Variants in ACVR2A observed in about 807,000 individuals in gnomAD.
ACVR2A encodes the protein activin receptor type-2A.
ACVR2A carries 7 observed loss-of-function variants against 61.4 expected under a neutral mutation model. The observed-to-expected ratio is 0.11, with a 90% CI of 0.06 to 0.21. The LOEUF is 0.21. ACVR2A is among the 10% of genes least tolerant of loss of function. ACVR2A has a pLI of 1.00. For missense variants in ACVR2A, 322 were observed against 621.7 expected (o/e 0.52, Z 5.13); for synonymous variants, 193 against 208.3 (o/e 0.93, Z 0.63).
At chr2:147,845,348 G>GTCCC in intron 1 of ACVR2A, 141 bp downstream of exon 1, 3 of 271,696 alleles carry the variant, frequency 1.1e-5, no homozygotes, top group Non-Finnish European at 1.8e-5. Flanking sequence ...GGCTGCCACC[G>GTCCC]CCCCCCCCCC....
chr2:147,894,621 CTCA>C (rs1205920110), intron 1 of ACVR2A, among the ~76,000 whole-genome samples: 1 of 152,072 alleles, frequency 6.6e-6, no homozygotes, highest in African/African-American at 2.4e-5. Context: ...CACCACTGAT[CTCA>C]TCAGAAAATT....
At chr2:147,922,502 T>TC (rs1266370636) in intron 8 of ACVR2A, among the ~76,000 whole-genome samples, 1 of 152,112 alleles carries the variant, frequency 6.6e-6, no homozygotes, top group African/African-American at 2.4e-5. Flanking sequence ...AATAAAGGAC[T>TC]CCAAGACAGA....
In ACVR2A at chr2:147,899,565, AGCGTAAGTTCACAGG is replaced by A; in HGVS notation, c.373_373+14del. 2.5e-6 allele frequency: 4 copies of A among 1,611,558 alleles called. No homozygotes were observed. Among genetic ancestry groups the A allele is most frequent in the Non-Finnish European group, 3.4e-6 (4 of 1,178,214 alleles). ...TATTTTCCGGAGATGGAAGTCACAC[AGCGTAAGTTCACAGG>A]GAAAATACGTAGGTTTGCTCAACTG... is the stretch of plus-strand genomic sequence containing the variant. On this transcript the variant is annotated splice_donor_variant and splice_donor_5th_base_variant and coding_sequence_variant and intron_variant, in exon 3 of 11. Transcript: ENST00000241416. LOFTEE classifies it high-confidence loss of function.
At chr2:147,868,504 C>A (rs1256631756) in intron 1 of ACVR2A, among the ~76,000 whole-genome samples, 1 of 152,010 alleles carries the variant, frequency 6.6e-6, no homozygotes, top group African/African-American at 2.4e-5. Context: ...AAAATAACAC[C>A]AACTCTTGAA....
intron 1 of ACVR2A, among the ~76,000 whole-genome samples, chr2:147,856,086 A>G (rs575260071): frequency 2.0e-4 from 30 of 152,180 alleles, no homozygotes; most frequent in Non-Finnish European, 3.5e-4. Flanking sequence ...AATACTTAAT[A>G]CTTTAGGCTA....
chr2:147,922,875 G>A lies in ACVR2A; in HGVS notation c.1078-98G>A, dbSNP rs190038216. 7.3e-3 allele frequency: 9,536 copies of A among 1,300,250 alleles called. 53 individuals are homozygous for A. Among genetic ancestry groups the A allele is most frequent in the Middle Eastern group, 0.011 (58 of 5,080 alleles). 80.5% of individuals were successfully genotyped at this position (1,300,250 alleles called of 1,614,324 possible). A position where few individuals can be genotyped will look rare whatever the true frequency, so the allele number is the denominator to read the frequency against. ...GCTATAGTGTGTATACCTTACCCTGGTAATAGACCACATTTGGTTTTGATT... is the reference window on the plus strand; with the variant it reads ...GCTATAGTGTGTATACCTTACCCTGATAATAGACCACATTTGGTTTTGATT... On this transcript the variant is annotated intron_variant, in intron 8 of 10. Transcript: ENST00000241416.
intron 1 of ACVR2A, among the ~76,000 whole-genome samples, chr2:147,864,472 C>T (rs910037814): frequency 2.6e-5 from 4 of 152,178 alleles, no homozygotes; most frequent in Admixed American, 6.5e-5. Flanking sequence ...CCTGGTGATC[C>T]GCCTACCTTG....
intron 1 of ACVR2A, among the ~76,000 whole-genome samples, chr2:147,862,334 C>T (rs1012545577): frequency 5.9e-5 from 9 of 151,550 alleles, no homozygotes; most frequent in Admixed American, 2.0e-4. Context: ...GATGTTGTAA[C>T]TATAAATCCA....
chr2:147,900,689 A>G (rs1039583177), intron 4 of ACVR2A: 1 of 152,040 alleles, frequency 6.6e-6, no homozygotes, highest in Non-Finnish European at 1.5e-5. Context: ...ACGAAAACTG[A>G]TAACTTTTGG....
chr2:147,890,122 A>G (rs1387341417), intron 1 of ACVR2A, among the ~76,000 whole-genome samples: 1 of 152,124 alleles, frequency 6.6e-6, no homozygotes, highest in African/African-American at 2.4e-5. Flanking sequence ...TGGGTTTTAC[A>G]TAGGGAGGAA....
chr2:147,924,454 T>A (rs1033143930), intron 9 of ACVR2A, among the ~76,000 whole-genome samples: 1 of 152,006 alleles, frequency 6.6e-6, no homozygotes, highest in Non-Finnish European at 1.5e-5. Context: ...GTGCAATACT[T>A]AAGAAATACA....
At chr2:147,920,905 C>T (rs563543498) in intron 8 of ACVR2A, among the ~76,000 whole-genome samples, 13 of 152,110 alleles carry the variant, frequency 8.5e-5, no homozygotes, top group Non-Finnish European at 1.6e-4. Flanking sequence ...TCCATATGCA[C>T]AGAAATCTTA....
chr2:147,901,285 A>G (rs1280153086), intron 4 of ACVR2A, among the ~76,000 whole-genome samples: 1 of 152,020 alleles, frequency 6.6e-6, no homozygotes, highest in Admixed American at 6.6e-5. Context: ...TCAGTTTACC[A>G]GATCTGTGAT....
chr2:147,903,188 A>G (rs1206480545), intron 4 of ACVR2A, among the ~76,000 whole-genome samples: 1 of 151,832 alleles, frequency 6.6e-6, no homozygotes, highest in Non-Finnish European at 1.5e-5. Context: ...TAACCAATAC[A>G]AATACAAATT....
At chr2:147,888,630 C>T (rs897896517) in intron 1 of ACVR2A, among the ~76,000 whole-genome samples, 1 of 149,486 alleles carries the variant, frequency 6.7e-6, no homozygotes, top group African/African-American at 2.4e-5. Flanking sequence ...TTCATCTATC[C>T]TGTGACCTTA....
intron 4 of ACVR2A, among the ~76,000 whole-genome samples, chr2:147,905,317 A>T (rs1020937556): frequency 6.6e-6 from 1 of 151,902 alleles, no homozygotes; most frequent in Non-Finnish European, 1.5e-5. Context: ...TTGTTTTATT[A>T]TGTGTTTTTA....
upstream of ACVR2A, chr2:147,844,565 G>C (rs907106165): frequency 1.3e-5 from 2 of 149,758 alleles, no homozygotes; most frequent in Non-Finnish European, 1.5e-5. Flanking sequence ...TGGAGCCAGA[G>C]CCTGGACCAG....
chr2:147,859,780 C>T (rs1198940188), intron 1 of ACVR2A, among the ~76,000 whole-genome samples: 1 of 152,098 alleles, frequency 6.6e-6, no homozygotes, highest in Non-Finnish European at 1.5e-5. Context: ...TTTTGGTACT[C>T]AGCTACCTTA....
At chr2:147,896,218 A>T in intron 1 of ACVR2A, 83 bp from the exon 2 acceptor site, 4 of 1,223,394 alleles carry the variant, frequency 3.3e-6, no homozygotes, top group Non-Finnish European at 4.6e-6. Context: ...ACACTTTAGG[A>T]ATACCTAAAG....
Sources: gnomAD v4.1 joint callset for allele counts (sites outside exome capture counted in the v4.1 genomes callset) on GRCh38, gnomAD v4.1.1 for gene constraint, MANE v1.5 for transcripts, NCBI Gene and HGNC (gene_info 2026-07-23, HGNC 2026-07-21) for gene names.